Variants in LHFPL4 observed in about 807,000 individuals in gnomAD.
The protein encoded by LHFPL4 is LHFPL tetraspan subfamily member 4, also known as LHFPL tetraspan subfamily member 4 protein.
LHFPL4 carries 6 observed loss-of-function variants against 20.0 expected under a neutral mutation model. The observed-to-expected ratio is 0.30, with a 90% CI of 0.16 to 0.59. LHFPL4 has a LOEUF of 0.59. LHFPL4 is among the 20% of genes least tolerant of loss of function. The probability of loss-of-function intolerance (pLI) is 0.88; values close to 1 mark genes in which losing one functional copy is unlikely to be tolerated. For synonymous variants in LHFPL4, 129 were observed against 143.8 expected, an observed-to-expected ratio of 0.90 and a Z score of 0.74; for missense variants, 215 against 331.2, an observed-to-expected ratio of 0.65 and a Z score of 2.72.
intron 2 of LHFPL4, among the ~76,000 whole-genome samples, chr3:9,529,238 A>G (rs2046394420): frequency 6.6e-6 from 1 of 151,942 alleles, no homozygotes; most frequent in African/African-American, 2.4e-5. Flanking sequence ...CATGTTGGCC[A>G]GGCTGGTCTC....
At chr3:9,551,805 T>TCA (rs2046556533) in intron 2 of LHFPL4, among the ~76,000 whole-genome samples, 1 of 152,210 alleles carries the variant, frequency 6.6e-6, no homozygotes, top group Non-Finnish European at 1.5e-5. Flanking sequence ...GTTTTACAGA[T>TCA]GAGGAAACCG....
chr3:9,512,405 C>T (rs1371330698), intron 2 of LHFPL4, among the ~76,000 whole-genome samples: 2 of 152,182 alleles, frequency 1.3e-5, no homozygotes, highest in African/African-American at 2.4e-5. Context: ...GTCATGGTGA[C>T]TCTTGGCAGA....
chr3:9,521,248 A>T lies in LHFPL4; in HGVS notation c.407-15045T>A, dbSNP rs1374768096. 4.9e-4 allele frequency among the ~76,000 whole-genome samples: 47 copies of T among 96,154 alleles called. No individual in the cohort carries two copies. In the East Asian group the frequency reaches 0.011, roughly 22 times the overall value. 63.1% of individuals were successfully genotyped at this position (96,154 alleles called of 152,430 possible). A position where few individuals can be genotyped will look rare whatever the true frequency, so the allele number is the denominator to read the frequency against. On this transcript the variant is annotated intron_variant, in intron 2 of 3. Transcript: ENST00000287585. ...CTTCTTCTTCTTTTTTTTTTTTTTG[A>T]CAGTGTGGCTCTGTTGCCCAGGCTG...
chr3:9,506,845 T>C lies in LHFPL4; in HGVS notation c.407-642A>G, dbSNP rs968945612. ...ATCTGCCCACCTCAGCCTCCCAAAG[T>C]GTTGGGATTATAGGAGTGAGCCACC... On this transcript the variant is annotated intron_variant, in intron 2 of 3. Coordinates refer to ENST00000287585, the MANE Select transcript of LHFPL4 (RefSeq NM_198560.3). The surrounding 1 kb of genome is among the most constrained non-coding windows in gnomAD (Gnocchi z 4.5). Among the ~76,000 whole-genome samples the C allele has an allele frequency of 2.0e-5, 3 of 152,204 alleles. No homozygotes were observed. Among genetic ancestry groups the C allele is most frequent in the African/African-American group, 7.2e-5 (3 of 41,444 alleles).
chr3:9,550,051 C>T (rs1451864107), intron 2 of LHFPL4, among the ~76,000 whole-genome samples: 3 of 152,050 alleles, frequency 2.0e-5, no homozygotes, highest in Non-Finnish European at 4.4e-5. Flanking sequence ...TTTAAATCAC[C>T]TTATCTACCT....
chr3:9,515,361 G>C (rs1485572388), intron 2 of LHFPL4, among the ~76,000 whole-genome samples: 2 of 152,064 alleles, frequency 1.3e-5, no homozygotes, highest in Non-Finnish European at 2.9e-5. Flanking sequence ...TCTTATTTTT[G>C]AGTTTTAAGA....
At chr3:9,553,472 T>A (rs1177425615) in intron 1 of LHFPL4, among the ~76,000 whole-genome samples, 1 of 138,956 alleles carries the variant, frequency 7.2e-6, no homozygotes, top group Non-Finnish European at 1.6e-5. Context: ...GGGCCAGGGT[T>A]GGAGAGAGGG....
At chr3:9,537,769 G>C (rs1208061454) in intron 2 of LHFPL4, among the ~76,000 whole-genome samples, 1 of 151,988 alleles carries the variant, frequency 6.6e-6, no homozygotes, top group Non-Finnish European at 1.5e-5. Flanking sequence ...CGCCCCTTAA[G>C]GTTGCTGTTC....
intron 2 of LHFPL4, among the ~76,000 whole-genome samples, chr3:9,533,943 G>A (rs9284914): frequency 0.32 from 48,238 of 151,822 alleles, 8,116 homozygotes; most frequent in Non-Finnish European, 0.37. Context: ...GTCGGACACA[G>A]TGGCTCATGC....
intron 2 of LHFPL4, among the ~76,000 whole-genome samples, chr3:9,548,855 G>A (rs968667118): frequency 3.9e-5 from 6 of 152,190 alleles, no homozygotes; most frequent in East Asian, 1.9e-4. Flanking sequence ...GCCCTGGAAC[G>A]TTTGCTGGAA....
chr3:9,533,772 ACT>A (rs1158665059), intron 2 of LHFPL4, among the ~76,000 whole-genome samples: 1 of 151,716 alleles, frequency 6.6e-6, no homozygotes, highest in Non-Finnish European at 1.5e-5. Context: ...ACAGAGCAAG[ACT>A]CTGTCTCAAA....
chr3:9,536,068 A>T (rs946869079), intron 2 of LHFPL4, among the ~76,000 whole-genome samples: 2 of 152,150 alleles, frequency 1.3e-5, no homozygotes, highest in African/African-American at 4.8e-5. Context: ...AAGTGCTGGG[A>T]TTACAAGCGT....
At chr3:9,523,976 T>C (rs1436239936) in intron 2 of LHFPL4, among the ~76,000 whole-genome samples, 2 of 144,690 alleles carry the variant, frequency 1.4e-5, no homozygotes, top group African/African-American at 5.3e-5. Flanking sequence ...AATTCTAGGC[T>C]AGTATTTCCC....
rs1255276652 is a variant in LHFPL4 at position 9,506,585 on chromosome 3, C to T, written c.407-382G>A. Among the ~76,000 whole-genome samples the T allele has an allele frequency of 1.3e-5, 2 of 151,906 alleles. No homozygotes were observed. The highest frequency in any genetic ancestry group is 6.6e-5 in the Admixed American group (1 of 15,262). On this transcript the variant is annotated intron_variant, in intron 2 of 3. Coordinates refer to ENST00000287585, the MANE Select transcript of LHFPL4 (RefSeq NM_198560.3). The surrounding 1 kb of genome is among the most constrained non-coding windows in gnomAD (Gnocchi z 4.5). ...TCCTCATTATTATTATTATTGTTGTCGTTGTTGTTGTTTGAGACGGAGTCT... is the reference window on the plus strand; with the variant it reads ...TCCTCATTATTATTATTATTGTTGTTGTTGTTGTTGTTTGAGACGGAGTCT...
At chr3:9,516,255 A>G (rs774008912) in intron 2 of LHFPL4, among the ~76,000 whole-genome samples, 6 of 152,064 alleles carry the variant, frequency 3.9e-5, no homozygotes, top group Non-Finnish European at 7.4e-5. Context: ...CATTTTGAAG[A>G]GTGTAAGGTC....
chr3:9,506,564 C>T lies in LHFPL4; in HGVS notation c.407-361G>A, dbSNP rs1360341693. 6.6e-6 allele frequency among the ~76,000 whole-genome samples: 1 copy of T among 152,092 alleles called. No individual in the cohort carries two copies. Among genetic ancestry groups the T allele is most frequent in the Non-Finnish European group, 1.5e-5 (1 of 68,016 alleles). ...CTCCCTCTCCCATCTCTCCCATCCTCATTATTATTATTATTGTTGTCGTTG... is the reference window on the plus strand; with the variant it reads ...CTCCCTCTCCCATCTCTCCCATCCTTATTATTATTATTATTGTTGTCGTTG... On this transcript the variant is annotated intron_variant, in intron 2 of 3. Transcript: ENST00000287585. The surrounding 1 kb of genome is among the most constrained non-coding windows in gnomAD (Gnocchi z 4.5).
At chr3:9,543,807 T>G (rs1445139380) in intron 2 of LHFPL4, among the ~76,000 whole-genome samples, 1 of 140,832 alleles carries the variant, frequency 7.1e-6, no homozygotes, top group Non-Finnish European at 1.5e-5. Context: ...CACGGCTCAG[T>G]GCGGCCTTGA....
Position 9,527,668 on chromosome 3 carries a change from C to T in LHFPL4, c.407-21465G>A, listed in dbSNP as rs537516897. Among the ~76,000 whole-genome samples the T allele has an allele frequency of 1.5e-4, 23 of 152,062 alleles. 1 individual carries two copies. The East Asian group carries it at 4.4e-3, about 29-fold the overall frequency. ...GTTGCAGTGAGCCAAGATCATGCCA[C>T]TGCACTGCAGCCTGGGCAACAGAGC... On this transcript the variant is annotated intron_variant, in intron 2 of 3. Coordinates refer to ENST00000287585, the MANE Select transcript of LHFPL4 (RefSeq NM_198560.3).
At chr3:9,550,349 G>A (rs1222786081) in intron 2 of LHFPL4, among the ~76,000 whole-genome samples, 1 of 152,126 alleles carries the variant, frequency 6.6e-6, no homozygotes, top group East Asian at 1.9e-4. Flanking sequence ...AAGTGCCCTG[G>A]GCCAGAAGTC....
Sources: gnomAD v4.1 joint callset for allele counts (sites outside exome capture counted in the v4.1 genomes callset) on GRCh38, gnomAD v4.1.1 for gene constraint, Gnocchi (gnomAD v3.1) non-coding constraint, MANE v1.5 for transcripts, NCBI Gene and HGNC (gene_info 2026-07-23, HGNC 2026-07-21) for gene names.